The following PRKAG1 variants were observed in gnomAD, a reference collection of about 807,000 sequenced individuals.
PRKAG1 encodes the protein 5'-AMP-activated protein kinase subunit gamma-1.
A neutral mutation model predicts 48.2 loss-of-function variants in PRKAG1; 27 were observed. The ratio of observed to expected loss-of-function variants is 0.56; its 90% CI spans 0.41 to 0.77. The LOEUF is 0.77. PRKAG1 is among the 30% of genes least tolerant of loss of function. PRKAG1 has a pLI of 0.00. For missense variants in PRKAG1, 287 were observed against 398.3 expected, an observed-to-expected ratio of 0.72 and a Z score of 2.38; for synonymous variants, 130 against 147.7, an observed-to-expected ratio of 0.88 and a Z score of 0.87.
At chr12:49,017,395 C>T (rs1309957888) in intron 1 of PRKAG1, 2 of 348,662 alleles carry the variant, frequency 5.7e-6, no homozygotes, top group Non-Finnish European at 1.1e-5. Flanking sequence ...TTGTTTCTGT[C>T]GAGACAGGCT....
At chr12:49,016,466 G>A (rs570554299) in intron 1 of PRKAG1, 3 of 152,066 alleles carry the variant, frequency 2.0e-5, no homozygotes, top group Non-Finnish European at 1.5e-5. Context: ...TATTATTCTC[G>A]CTGTGGTTCC....
chr12:49,011,337 T>C (rs942406306), intron 2 of PRKAG1, among the ~76,000 whole-genome samples: 5 of 152,152 alleles, frequency 3.3e-5, no homozygotes, highest in Admixed American at 3.3e-4. Flanking sequence ...TTGTTTATAA[T>C]TGAGACAGGA....
At position 49,003,156 on chromosome 12, in the gene PRKAG1, T is replaced by C; in HGVS notation, c.876A>G (p.Leu292=). ...CTGGCCTCCCTACCTCTGCTTCCACTAGCCTGTTGATGATGGTCTCCAGAG... is the reference window on the plus strand; with the variant it reads ...CTGGCCTCCCTACCTCTGCTTCCACCAGCCTGTTGATGATGGTCTCCAGAG... The part of the protein sequence containing the change: ...HETLETIINR[L]VEAEVHRLVV... The change falls in exon 11 of 12, where the codon CTA becomes CTG. Residue 292 remains leucine (L), a synonymous_variant. Transcript: ENST00000548065. 6.2e-7 allele frequency: 1 copy of C among 1,614,178 alleles called. No individual in the cohort carries two copies. The highest frequency in any genetic ancestry group is 8.5e-7 in the Non-Finnish European group (1 of 1,180,018).
intron 1 of PRKAG1, chr12:49,017,117 G>C (rs1202606412): frequency 2.2e-6 from 1 of 455,854 alleles, no homozygotes. Flanking sequence ...ATTTATTATA[G>C]TCTACCTTTA....
rs541111226 is a variant in PRKAG1 at position 49,002,481 on chromosome 12, G to A, written c.*418C>T. The A allele has an allele frequency of 1.9e-5, 6 of 322,720 alleles. No homozygotes were observed. Among genetic ancestry groups the A allele is most frequent in the Admixed American group, 8.6e-5 (2 of 23,286 alleles). 20.0% of individuals were successfully genotyped at this position (322,720 alleles called of 1,614,324 possible). A position where few individuals can be genotyped will look rare whatever the true frequency, so the allele number is the denominator to read the frequency against. On this transcript the variant is annotated 3_prime_UTR_variant, in exon 12 of 12. Coordinates refer to ENST00000548065, the MANE Select transcript of PRKAG1 (RefSeq NM_002733.5). ...GGACTTGGCCTCCTCCATATAGCAC[G>A]GAACAGGTGAATAAAAATATCTTTA...
rs1728307343 is a variant in PRKAG1 at position 49,005,035 on chromosome 12, T to TG, written c.356-18dup. On this transcript the variant is annotated splice_polypyrimidine_tract_variant and intron_variant, in intron 6 of 11. Transcript: ENST00000548065. The surrounding 1 kb of genome is among the most constrained non-coding windows in gnomAD (Gnocchi z 4.1). ...GATACACCTCTGAAGGGAAAAGGGA[T>TG]GGGTCACAAAATACCACCATGGAAA... 1 of 1,613,664 alleles carries TG rather than the reference T, an allele frequency of 6.2e-7. No homozygotes were observed. The highest frequency in any genetic ancestry group is 1.3e-5 in the African/African-American group (1 of 74,870).
chr12:49,009,183 G>C (rs1351568033), intron 2 of PRKAG1: 1 of 150,990 alleles, frequency 6.6e-6, no homozygotes, highest in Non-Finnish European at 1.5e-5. Flanking sequence ...GAGTACAATG[G>C]CGAGATCATG....
At chr12:49,018,468 G>C in intron 1 of PRKAG1, 1 of 1,352,512 alleles carries the variant, frequency 7.4e-7, no homozygotes, top group Non-Finnish European at 9.5e-7. Context: ...GGCATACGTG[G>C]GCCCCAAGGA....
At chr12:49,004,787 G>A (rs1199084495) in intron 7 of PRKAG1, 154 bp from the exon 8 acceptor site, 2 of 1,333,948 alleles carry the variant, frequency 1.5e-6, no homozygotes, top group South Asian at 1.3e-5. Context: ...GAGAGAGAGA[G>A]AGTGAGAATG....
rs1271637172 is a variant in PRKAG1, at chr12:49,003,838, G to C, written c.622C>G (p.Arg208Gly). The change falls in exon 9 of 12, where the codon CGC (arginine) becomes GGC (glycine). Residue 208 changes from arginine (R) to glycine (G), a missense_variant. Transcript: ENST00000548065. Reference sequence around the variant, plus strand: ...GCCACATAGACGGGGGTGGTAGTGCGAACCATAGCAATATTGGCATAGGTG... The same window carrying C: ...GCCACATAGACGGGGGTGGTAGTGCCAACCATAGCAATATTGGCATAGGTG... The part of the protein sequence containing the change: ...IGTYANIAMV[R>G]TTTPVYVALG... The C allele has an allele frequency of 6.2e-7, 1 of 1,614,080 alleles. No individual in the cohort carries two copies. The highest frequency in any genetic ancestry group is 8.5e-7 in the Non-Finnish European group (1 of 1,179,980).
rs1474871158 is a variant in PRKAG1, at chr12:49,005,583, A to G, written c.169-40T>C. 7.4e-6 allele frequency: 12 copies of G among 1,614,038 alleles called. No individual in the cohort carries two copies. Among genetic ancestry groups the G allele is most frequent in the East Asian group, 4.5e-5 (2 of 44,892 alleles). ...GTAATAATCATAAAGGCAAATCCAC[A>G]GGGGCAGGACTGTAAAAAAAGAACA... On this transcript the variant is annotated intron_variant, in intron 3 of 11. Transcript: ENST00000548065. The surrounding 1 kb of genome is among the most constrained non-coding windows in gnomAD (Gnocchi z 4.1).
chr12:49,007,935 C>T (rs1295250438), intron 2 of PRKAG1, among the ~76,000 whole-genome samples: 1 of 149,518 alleles, frequency 6.7e-6, no homozygotes, highest in Non-Finnish European at 1.5e-5. Flanking sequence ...TCTCAGGTTA[C>T]TACAACCTCA....
rs199565731 is a variant in PRKAG1, at chr12:49,002,275, C to T, written c.*624G>A. On this transcript the variant is annotated 3_prime_UTR_variant, in exon 12 of 12. Coordinates refer to ENST00000548065, the MANE Select transcript of PRKAG1 (RefSeq NM_002733.5). The stretch of plus-strand genomic sequence containing the variant: ...CTGTAAAAATCAAACACTGCAATAT[C>T]GTGAAGAGATTCCTGTCATTTAATT... The T allele has an allele frequency of 5.6e-5, 10 of 179,604 alleles. No individual in the cohort carries two copies. The highest frequency in any genetic ancestry group is 3.0e-4 in the East Asian group (2 of 6,620). The allele number at this position is 179,604 out of a possible 1,614,324, so 11.1% of individuals were successfully genotyped here. A position where few individuals can be genotyped will look rare whatever the true frequency, so the allele number is the denominator to read the frequency against.
At chr12:49,017,293 T>C (rs2137688962) in intron 1 of PRKAG1, 1 of 441,880 alleles carries the variant, frequency 2.3e-6, no homozygotes, top group African/African-American at 2.0e-5. Flanking sequence ...CTCCACCTCT[T>C]TGGATCAAGC....
chr12:49,015,701 T>C (rs893531144), intron 1 of PRKAG1, among the ~76,000 whole-genome samples: 2 of 152,160 alleles, frequency 1.3e-5, no homozygotes, highest in South Asian at 2.1e-4. Flanking sequence ...GCCTCCCAAG[T>C]AGCTGGGACT....
intron 2 of PRKAG1, among the ~76,000 whole-genome samples, chr12:49,011,737 T>A (rs1941769509): frequency 6.6e-6 from 1 of 151,914 alleles, no homozygotes; most frequent in Non-Finnish European, 1.5e-5. Context: ...TAATTTTTTC[T>A]ACTTAGTAGA....
chr12:49,004,698 T>C lies in PRKAG1; in HGVS notation c.411-65A>G, dbSNP rs1941446994. On this transcript the variant is annotated intron_variant, in intron 7 of 11. Transcript: ENST00000548065. ...GGCTGGGGGTGATTAAACAGGTCCA[T>C]ACAGTGTATTGCTCAACAGGGAAAA... is the stretch of plus-strand genomic sequence containing the variant. The C allele has an allele frequency of 2.5e-6, 4 of 1,605,960 alleles. No individual in the cohort carries two copies. The African/African-American group carries it at 5.4e-5, about 22-fold the overall frequency.
chr12:49,017,509 G>A (rs1360780351), intron 1 of PRKAG1: 2 of 239,358 alleles, frequency 8.4e-6, no homozygotes, highest in Non-Finnish European at 1.7e-5. Flanking sequence ...ACCACACCTG[G>A]CTGAGTTTTC....
intron 1 of PRKAG1, among the ~76,000 whole-genome samples, chr12:49,014,784 A>G (rs1941903770): frequency 6.6e-6 from 1 of 152,244 alleles, no homozygotes; most frequent in African/African-American, 2.4e-5. Flanking sequence ...TTGACTAGAC[A>G]AAACTTAGAA....
Sources: gnomAD v4.1 joint callset for allele counts (sites outside exome capture counted in the v4.1 genomes callset) on GRCh38, gnomAD v4.1.1 for gene constraint, Gnocchi (gnomAD v3.1) non-coding constraint, MANE v1.5 for transcripts, NCBI Gene and HGNC (gene_info 2026-07-23, HGNC 2026-07-21) for gene names.